TRPC6: variants seen among roughly 807,000 people sequenced by gnomAD.
TRPC6 encodes transient receptor potential cation channel subfamily C member 6, also known as short transient receptor potential channel 6.
TRPC6 carries 55 observed loss-of-function variants against 90.7 expected under a neutral mutation model. The ratio of observed to expected loss-of-function variants is 0.61; its 90% confidence interval spans 0.49 to 0.76. The LOEUF is 0.76. Among genes scored for constraint, TRPC6 ranks in the 30% least tolerant of loss-of-function variants. TRPC6 has a pLI of 0.00. For missense variants in TRPC6, 989 were observed against 1,122.7 expected (o/e 0.88, Z 1.70); for synonymous variants, 393 against 393.0 (o/e 1.00, Z 0.00).
At chr11:101,519,881 T>G (rs992486348) in intron 1 of TRPC6, 1 of 153,158 alleles carries the variant, frequency 6.5e-6, no homozygotes, top group Non-Finnish European at 1.5e-5. Flanking sequence ...CTAATTCTCT[T>G]AACTCTCTGA....
At chr11:101,491,442 A>T in intron 3 of TRPC6, 114 bp downstream of exon 3, 1 of 1,432,244 alleles carries the variant, frequency 7.0e-7, no homozygotes, top group Non-Finnish European at 9.5e-7. Context: ...TCAAAAAAAA[A>T]AAAAGAGAAA....
At chr11:101,559,659 G>C (rs1861668750) in intron 1 of TRPC6, among the ~76,000 whole-genome samples, 1 of 149,970 alleles carries the variant, frequency 6.7e-6, no homozygotes, top group South Asian at 2.1e-4. Flanking sequence ...TATACTTTAA[G>C]TTTTAGGGTA....
intron 1 of TRPC6, among the ~76,000 whole-genome samples, chr11:101,514,649 T>G (rs994871735): frequency 6.6e-6 from 1 of 152,190 alleles, no homozygotes; most frequent in Non-Finnish European, 1.5e-5. Flanking sequence ...ATTCACAGTT[T>G]AGCACTTAGC....
chr11:101,501,267 T>TAAAG (rs1860116323), intron 2 of TRPC6, among the ~76,000 whole-genome samples: 1 of 147,264 alleles, frequency 6.8e-6, no homozygotes, highest in Non-Finnish European at 1.5e-5. Flanking sequence ...AAAAAGATTT[T>TAAAG]AAAAAAAAAG....
intron 1 of TRPC6, among the ~76,000 whole-genome samples, chr11:101,542,484 G>A (rs1218339671): frequency 6.6e-6 from 1 of 152,104 alleles, no homozygotes; most frequent in Non-Finnish European, 1.5e-5. Context: ...ACTAAAGTCA[G>A]CAGTCAAACC....
rs2136671084 is a variant in TRPC6 at position 101,472,191 on chromosome 11, A to G, written c.2151T>C (p.Ile717=). The G allele has an allele frequency of 6.2e-7, 1 of 1,612,624 alleles. No individual in the cohort carries two copies. The highest frequency in any genetic ancestry group is 8.5e-7 in the Non-Finnish European group (1 of 1,179,456). The change falls in exon 8 of 13, where the codon ATT becomes ATC. Residue 717 remains isoleucine (I), a synonymous_variant. Coordinates refer to ENST00000344327, the MANE Select transcript of TRPC6 (RefSeq NM_004621.6). The part of the protein sequence containing the change: ...LYGVYNVTMV[I]VLLNMLIAMI... ...TGGCAATTAACATATTTAGCAAAAC[A>G]ATGACCATCGTAACATTATAGACTC...
chr11:101,476,378 C>A lies in TRPC6; in HGVS notation c.1667G>T (p.Ser556Ile). The change falls in exon 6 of 13, where the codon AGC (serine) becomes ATC (isoleucine). Residue 556 changes from serine to isoleucine, a missense_variant. Physicochemically the swap from Ser to Ile is moderately radical, Grantham distance 142 (BLOSUM62 -2). Transcript: ENST00000344327. ...CAAAGTATCATTTGCGTCAATGATG[C>A]TCTGGGCTTTGGAAGCATGCCAAAA... ...MAFWHASKAQ[S>I]IIDANDTLKD... 6.2e-7 allele frequency: 1 copy of A among 1,614,062 alleles called. No homozygotes were observed. The highest frequency in any genetic ancestry group is 8.5e-7 in the Non-Finnish European group (1 of 1,179,988).
chr11:101,556,574 T>G (rs1181045189), intron 1 of TRPC6, among the ~76,000 whole-genome samples: 1 of 152,134 alleles, frequency 6.6e-6, no homozygotes, highest in Non-Finnish European at 1.5e-5. Flanking sequence ...TAATTAAAAG[T>G]CTTTCATCAA....
At chr11:101,466,253 C>T (rs536444215) in intron 10 of TRPC6, among the ~76,000 whole-genome samples, 25 of 152,370 alleles carry the variant, frequency 1.6e-4, no homozygotes, top group Non-Finnish European at 3.5e-4. Flanking sequence ...AGATCCGCTG[C>T]TCTTTTCAGA....
At chr11:101,496,034 G>A (rs1320378515) in intron 2 of TRPC6, among the ~76,000 whole-genome samples, 1 of 152,016 alleles carries the variant, frequency 6.6e-6, no homozygotes, top group Non-Finnish European at 1.5e-5. Context: ...TTACAATCAT[G>A]GCGGAAGGCA....
intron 10 of TRPC6, among the ~76,000 whole-genome samples, chr11:101,463,659 C>G (rs2136654574): frequency 6.6e-6 from 1 of 152,260 alleles, no homozygotes; most frequent in South Asian, 2.1e-4. Context: ...GTGATATCCC[C>G]TATATCATTT....
chr11:101,543,459 T>C (rs1160335055), intron 1 of TRPC6, among the ~76,000 whole-genome samples: 3 of 152,162 alleles, frequency 2.0e-5, no homozygotes, highest in African/African-American at 4.8e-5. Flanking sequence ...TCATGCTACC[T>C]GACTTCAAAC....
intron 5 of TRPC6, among the ~76,000 whole-genome samples, chr11:101,477,890 T>C (rs985325665): frequency 6.6e-6 from 1 of 152,250 alleles, no homozygotes; most frequent in Non-Finnish European, 1.5e-5. Context: ...AATCCCACTT[T>C]TTTAATTAAA....
chr11:101,556,586 G>A (rs777926711), intron 1 of TRPC6, among the ~76,000 whole-genome samples: 25 of 152,104 alleles, frequency 1.6e-4, no homozygotes, highest in Non-Finnish European at 3.2e-4. Flanking sequence ...TTTCATCAAA[G>A]AAAAGCCTGA....
At chr11:101,526,592 G>C (rs11224817) in intron 1 of TRPC6, among the ~76,000 whole-genome samples, 36,226 of 151,850 alleles carry the variant, frequency 0.24, 4,468 homozygotes, top group Non-Finnish European at 0.25. Context: ...GCTGGGCACA[G>C]TGGCTCACAC....
rs370821915 is a variant in TRPC6 at position 101,476,347 on chromosome 11, G to C, written c.1698C>G (p.Asp566Glu). The C allele has an allele frequency of 6.2e-7, 1 of 1,614,084 alleles. No individual in the cohort carries two copies. The highest frequency in any genetic ancestry group is 8.5e-7 in the Non-Finnish European group (1 of 1,179,990). ...TGTCTCCCAATGTTACTTTCGTCAAGTCCTTCAAAGTATCATTTGCGTCAA... is the reference window on the plus strand; with the variant it reads ...TGTCTCCCAATGTTACTTTCGTCAACTCCTTCAAAGTATCATTTGCGTCAA... ...SIIDANDTLK[D>E]LTKVTLGDNV... Residue 566 changes from aspartate (D) to glutamate (E), a missense_variant, in exon 6 of 13, where the codon GAC (aspartate) becomes GAG (glutamate). Physicochemically the swap from Asp to Glu is conservative, Grantham distance 45. Around this residue, in one of 4 missense-constraint regions of TRPC6, gnomAD observed 486 missense variants for 591.9 expected, o/e 0.82. Transcript: ENST00000344327.
intron 1 of TRPC6, among the ~76,000 whole-genome samples, chr11:101,575,314 T>C (rs1401674243): frequency 6.6e-6 from 1 of 152,186 alleles, no homozygotes; most frequent in African/African-American, 2.4e-5. Context: ...ACATTCATAG[T>C]CTTCCTTTGG....
intron 1 of TRPC6, among the ~76,000 whole-genome samples, chr11:101,514,086 T>C (rs1197825076): frequency 6.6e-6 from 1 of 152,198 alleles, no homozygotes; most frequent in Non-Finnish European, 1.5e-5. Flanking sequence ...TGAAATGCTT[T>C]TCTTTGCTGA....
intron 1 of TRPC6, among the ~76,000 whole-genome samples, chr11:101,513,646 G>A (rs567197727): frequency 1.3e-5 from 2 of 152,164 alleles, no homozygotes; most frequent in East Asian, 3.9e-4. Flanking sequence ...ACGCCTTTCT[G>A]AGCTTATTTT....
Sources: gnomAD v4.1 joint callset for allele counts (sites outside exome capture counted in the v4.1 genomes callset) on GRCh38, gnomAD v4.1.1 for gene constraint, gnomAD v4.1.1 regional missense constraint, MANE v1.5 for transcripts, NCBI Gene and HGNC (gene_info 2026-07-23, HGNC 2026-07-21) for gene names.